The following TENM1 variants were observed in gnomAD, a reference collection of about 807,000 sequenced individuals.
TENM1 encodes the protein teneurin transmembrane protein 1, also known as teneurin-1.
Under a neutral mutation model 174.8 loss-of-function variants are expected in TENM1, and 35 were observed. The observed-to-expected ratio is 0.20, with a 90% confidence interval of 0.15 to 0.27. TENM1 has a LOEUF of 0.27. TENM1 is among the 10% of genes least tolerant of loss of function. The pLI, the probability that TENM1 is intolerant of heterozygous loss-of-function variation, is 1.00. For missense variants in TENM1, 1,633 were observed against 2,130.1 expected (o/e 0.77, Z 4.59); for synonymous variants, 781 against 798.7 (o/e 0.98, Z 0.37).
chrX:124,588,598 C>T lies in TENM1; in HGVS notation c.2078-23038G>A, dbSNP rs775188387. On this transcript the variant is annotated intron_variant, in intron 11 of 31. Transcript: ENST00000422452. ...AGGAGATATACCTAATGCTAAATGA[C>T]GAGTTAATGGGTGCAGCACACCAGC... is the stretch of plus-strand genomic sequence containing the variant. 4.9e-3 allele frequency among the ~76,000 whole-genome samples: 537 copies of T among 109,700 alleles called. 1 individual carries two copies. Among genetic ancestry groups the T allele is most frequent in the South Asian group, 0.016 (41 of 2,491 alleles).
chrX:124,696,288 G>A (rs1034615324), intron 5 of TENM1, among the ~76,000 whole-genome samples: 2 of 111,539 alleles, frequency 1.8e-5, no homozygotes, highest in African/African-American at 3.3e-5. Flanking sequence ...ACTACTTATC[G>A]ACTGATTGAG....
chrX:124,466,240 T>C (rs976538154), intron 22 of TENM1, among the ~76,000 whole-genome samples: 4 of 112,175 alleles, frequency 3.6e-5, no homozygotes, highest in Admixed American at 1.9e-4. Context: ...ACACTTTATA[T>C]GTTCATAAAA....
At chrX:124,673,947 T>C (rs1375434058) in intron 5 of TENM1, among the ~76,000 whole-genome samples, 1 of 111,344 alleles carries the variant, frequency 9.0e-6, no homozygotes, top group Non-Finnish European at 1.9e-5. Flanking sequence ...TAGTTGGTAC[T>C]GGATTTGTGT....
chrX:125,106,901 G>T, the TENM1 span, among the ~76,000 whole-genome samples: 3 of 111,765 alleles, frequency 2.7e-5, no homozygotes, highest in African/African-American at 9.8e-5. Flanking sequence ...GAAAGGAAAC[G>T]GTCACAGAAA....
chrX:124,523,558 C>T, exon 17 of TENM1: 1 of 1,211,719 alleles, frequency 8.3e-7, no homozygotes, highest in Non-Finnish European at 1.1e-6. Context: ...GTTCTCTTCT[C>T]AGGCAGGAAA....
chrX:125,054,022 T>C, the TENM1 span, among the ~76,000 whole-genome samples: 1 of 111,911 alleles, frequency 8.9e-6, no homozygotes. Context: ...ATTAGACTAA[T>C]CAAATTCTAA....
At chrX:125,164,431 G>A in the TENM1 span, among the ~76,000 whole-genome samples, 3 of 111,671 alleles carry the variant, frequency 2.7e-5, no homozygotes, top group Non-Finnish European at 5.7e-5. Flanking sequence ...AATCTCTCCA[G>A]ATTGTAGATC....
intron 27 of TENM1, among the ~76,000 whole-genome samples, chrX:124,397,775 T>C (rs2060353057): frequency 9.2e-6 from 1 of 109,108 alleles, no homozygotes; most frequent in Non-Finnish European, 1.9e-5. Flanking sequence ...TTTTTGTATT[T>C]TTAGTAGAGA....
chrX:124,707,321 TTTTTC>T (rs1328594136), intron 4 of TENM1, among the ~76,000 whole-genome samples: 1 of 111,768 alleles, frequency 8.9e-6, no homozygotes, highest in African/African-American at 3.3e-5. Context: ...TTTATAAACT[TTTTTC>T]TTTTCTTTTT....
the TENM1 span, among the ~76,000 whole-genome samples, chrX:125,039,496 T>C: frequency 1.8e-5 from 2 of 110,676 alleles, no homozygotes; most frequent in Non-Finnish European, 3.8e-5. Context: ...AGTTAGTATA[T>C]ATTCTAATTG....
chrX:125,175,271 A>C, the TENM1 span, among the ~76,000 whole-genome samples: 1 of 111,755 alleles, frequency 8.9e-6, no homozygotes, highest in Non-Finnish European at 1.9e-5. Context: ...GAGAAAATAC[A>C]AAATGAAGAA....
chrX:124,979,261 T>G, the TENM1 span, among the ~76,000 whole-genome samples: 4 of 111,252 alleles, frequency 3.6e-5, no homozygotes, highest in Non-Finnish European at 7.5e-5. Context: ...TTGTAGGCCT[T>G]TGGTTGATTT....
At chrX:125,007,430 G>A in the TENM1 span, among the ~76,000 whole-genome samples, 1 of 111,132 alleles carries the variant, frequency 9.0e-6, no homozygotes. Flanking sequence ...AAACAGACTG[G>A]GAGAATGGAA....
intron 7 of TENM1, among the ~76,000 whole-genome samples, chrX:124,652,332 G>C (rs2051329519): frequency 9.0e-6 from 1 of 111,272 alleles, no homozygotes; most frequent in Admixed American, 9.6e-5. Context: ...GCGAGGACAG[G>C]AAGATCACTT....
chrX:124,663,661 C>T (rs1346335904), intron 6 of TENM1, among the ~76,000 whole-genome samples: 4 of 111,063 alleles, frequency 3.6e-5, no homozygotes, highest in Non-Finnish European at 5.7e-5. Context: ...TAGCATACCA[C>T]TTAGTGACCC....
chrX:124,916,678 C>T (rs1197218876), intron 1 of TENM1, among the ~76,000 whole-genome samples: 1 of 111,218 alleles, frequency 9.0e-6, no homozygotes, highest in Non-Finnish European at 1.9e-5. Flanking sequence ...ATGAGGGCTT[C>T]ACCCTCATGA....
chrX:124,459,721 C>G (rs2061147531), intron 22 of TENM1, among the ~76,000 whole-genome samples: 1 of 111,468 alleles, frequency 9.0e-6, no homozygotes, highest in African/African-American at 3.3e-5. Context: ...GCAATGACAA[C>G]AAAAGCAAAA....
At chrX:125,054,021 A>G in the TENM1 span, among the ~76,000 whole-genome samples, 1 of 112,027 alleles carries the variant, frequency 8.9e-6, no homozygotes, top group Non-Finnish European at 1.9e-5. Context: ...CATTAGACTA[A>G]TCAAATTCTA....
the TENM1 span, among the ~76,000 whole-genome samples, chrX:124,975,713 A>T: frequency 4.5e-5 from 5 of 111,953 alleles, no homozygotes; most frequent in African/African-American, 1.6e-4. Flanking sequence ...TCAAATTAAC[A>T]TAACATATTC....
Sources: allele counts gnomAD v4.1 joint callset (sites outside exome capture counted in the v4.1 genomes callset), GRCh38; gene constraint gnomAD v4.1.1; transcripts MANE v1.5; gene names NCBI Gene and HGNC (gene_info 2026-07-23, HGNC 2026-07-21).